ZSWIM6: variants seen among roughly 807,000 people sequenced by gnomAD.
ZSWIM6 encodes zinc finger SWIM domain-containing protein 6.
Under a neutral mutation model 113.2 loss-of-function variants are expected in ZSWIM6, and 9 were observed. The observed-to-expected ratio is 0.08, with a 90% CI of 0.05 to 0.14. The LOEUF (loss-of-function observed/expected upper bound fraction) is 0.14, where lower values mean the gene tolerates loss of function less well. ZSWIM6 is among the 10% of genes least tolerant of loss of function. ZSWIM6 has a pLI of 1.00. For missense variants in ZSWIM6, 1,162 were observed against 1,552.2 expected (o/e 0.75, Z 4.22); for synonymous variants, 611 against 606.5 (o/e 1.01, Z -0.11).
At position 61,448,340 on chromosome 5, in the gene ZSWIM6, A is replaced by G. The variant is rs74455207; in HGVS notation, c.677-24341A>G. On this transcript the variant is annotated intron_variant, in intron 1 of 13. Coordinates refer to ENST00000252744, the MANE Select transcript of ZSWIM6 (RefSeq NM_020928.2). ...CATGACTCTTGTCACTTTCTTCTTT[A>G]TATATTTGGATTTGTGGGTCAAGTG... Among the ~76,000 whole-genome samples, 1,013 of 152,258 alleles carry G rather than the reference A, an allele frequency of 6.7e-3. 4 individuals are homozygous for G. Among genetic ancestry groups the G allele is most frequent in the South Asian group, 0.021 (100 of 4,828 alleles).
intron 1 of ZSWIM6, among the ~76,000 whole-genome samples, chr5:61,438,256 A>G (rs1746752162): frequency 6.6e-6 from 1 of 152,234 alleles, no homozygotes; most frequent in African/African-American, 2.4e-5. Flanking sequence ...CATTTAACAT[A>G]AGTGTACAGA....
At chr5:61,431,723 C>CAG (rs1746586408) in intron 1 of ZSWIM6, among the ~76,000 whole-genome samples, 4 of 151,918 alleles carry the variant, frequency 2.6e-5, no homozygotes, top group Admixed American at 2.6e-4. Flanking sequence ...CCAGCCTGGG[C>CAG]GACAGAGTGA....
intron 7 of ZSWIM6, among the ~76,000 whole-genome samples, chr5:61,526,792 C>G (rs1019847821): frequency 3.6e-4 from 55 of 152,118 alleles, no homozygotes; most frequent in African/African-American, 1.3e-3. Flanking sequence ...CAAATGGGTG[C>G]CTTAGGCAAT....
rs201912422 is a variant in ZSWIM6, at chr5:61,521,401, A to G, written c.1472A>G (p.Asn491Ser). 6.7e-4 allele frequency: 1,025 copies of G among 1,527,426 alleles called. No homozygotes were observed. Among genetic ancestry groups the G allele is most frequent in the Non-Finnish European group, 8.2e-4 (932 of 1,135,670 alleles). The allele number at this position is 1,527,426 out of a possible 1,614,324, so 94.6% of individuals were successfully genotyped here. A position where few individuals can be genotyped will look rare whatever the true frequency, so the allele number is the denominator to read the frequency against. Residue 491 changes from asparagine to serine, a missense_variant, in exon 5 of 14, where the codon AAC (asparagine) becomes AGC (serine). Physicochemically the swap from Asn to Ser is conservative, Grantham distance 46. This residue lies in a region of ZSWIM6 where 620 missense variants were observed against 804.6 expected (regional missense o/e 0.77). Transcript: ENST00000252744. ...EDGNHGSELP[N>S]LTNALPQGAN... Reference sequence around the variant, plus strand: ...GGAAATCATGGCAGTGAATTACCCAACTTAACCAATGCTCTGCCTCAGGGT... The same window carrying G: ...GGAAATCATGGCAGTGAATTACCCAGCTTAACCAATGCTCTGCCTCAGGGT...
At chr5:61,379,892 A>G (rs1461079598) in intron 1 of ZSWIM6, among the ~76,000 whole-genome samples, 3 of 152,156 alleles carry the variant, frequency 2.0e-5, no homozygotes, top group Admixed American at 6.5e-5. Context: ...AGGAACTGAA[A>G]GTGTGAGCAC....
intron 1 of ZSWIM6, among the ~76,000 whole-genome samples, chr5:61,446,486 A>G (rs554535719): frequency 9.2e-5 from 14 of 152,306 alleles, no homozygotes; most frequent in African/African-American, 3.1e-4. Flanking sequence ...TAAACCAACA[A>G]CATTAAATTA....
chr5:61,513,581 C>CT (rs759849857), intron 4 of ZSWIM6, among the ~76,000 whole-genome samples: 28 of 152,034 alleles, frequency 1.8e-4, no homozygotes, highest in South Asian at 4.1e-4. Context: ...TTCTCCTAAA[C>CT]TTTTTTCTAG....
chr5:61,366,091 C>T (rs924475942), intron 1 of ZSWIM6, among the ~76,000 whole-genome samples: 3 of 152,116 alleles, frequency 2.0e-5, no homozygotes, highest in Non-Finnish European at 1.5e-5. Context: ...GAGTGGGTTT[C>T]ACCATGTTGC....
intron 1 of ZSWIM6, chr5:61,390,908 A>T (rs1745693846): frequency 1.1e-6 from 1 of 870,334 alleles, no homozygotes; most frequent in Non-Finnish European, 1.9e-6. Flanking sequence ...TGGTCACTTC[A>T]CCATAGTGGA....
chr5:61,478,987 A>G (rs137855433), intron 2 of ZSWIM6, among the ~76,000 whole-genome samples: 3 of 152,232 alleles, frequency 2.0e-5, no homozygotes, highest in African/African-American at 7.2e-5. Context: ...CCTGGCCAAC[A>G]TGGTGAAACC....
intron 1 of ZSWIM6, among the ~76,000 whole-genome samples, chr5:61,333,702 C>A (rs542409874): frequency 6.6e-6 from 1 of 152,110 alleles, no homozygotes; most frequent in Non-Finnish European, 1.5e-5. Flanking sequence ...CCGTAGGACG[C>A]TTACTAATTA....
intron 9 of ZSWIM6, among the ~76,000 whole-genome samples, chr5:61,534,619 C>G (rs1359045749): frequency 6.6e-6 from 1 of 152,040 alleles, no homozygotes; most frequent in African/African-American, 2.4e-5. Flanking sequence ...GTAACTAAAC[C>G]TCAGAGTACC....
rs114508629 is a variant in ZSWIM6, at chr5:61,466,064, A to G, written c.677-6617A>G. The stretch of plus-strand genomic sequence containing the variant: ...AATATGATATTTCATACAAGTTTCC[A>G]TCTTGGGCCCTTATGTTGTTTGTTC... On this transcript the variant is annotated intron_variant, in intron 1 of 13. Coordinates refer to ENST00000252744, the MANE Select transcript of ZSWIM6 (RefSeq NM_020928.2). Among the ~76,000 whole-genome samples the G allele has an allele frequency of 6.7e-3, 1,017 of 152,296 alleles. 4 individuals carry two copies. The highest frequency in any genetic ancestry group is 0.021 in the South Asian group (101 of 4,822).
chr5:61,398,912 G>GTTTTTTT (rs57439648), intron 1 of ZSWIM6, among the ~76,000 whole-genome samples: 1 of 61,784 alleles, frequency 1.6e-5, no homozygotes, highest in African/African-American at 5.6e-5. Flanking sequence ...GTGTATAGTT[G>GTTTTTTT]TTTTTTTTTT....
intron 7 of ZSWIM6, among the ~76,000 whole-genome samples, chr5:61,528,217 T>C (rs968006454): frequency 6.6e-6 from 1 of 152,164 alleles, no homozygotes; most frequent in South Asian, 2.1e-4. Flanking sequence ...GAATATCTTA[T>C]ACATTTTCAA....
At chr5:61,357,121 G>T (rs576127907) in intron 1 of ZSWIM6, among the ~76,000 whole-genome samples, 3 of 151,944 alleles carry the variant, frequency 2.0e-5, no homozygotes, top group Non-Finnish European at 2.9e-5. Flanking sequence ...CTAGCATCTG[G>T]GTTTTAATAA....
At chr5:61,433,882 TCAAA>T (rs961863198) in intron 1 of ZSWIM6, among the ~76,000 whole-genome samples, 13 of 151,036 alleles carry the variant, frequency 8.6e-5, no homozygotes, top group Non-Finnish European at 1.6e-4. Context: ...GATACAAATA[TCAAA>T]CAAAAAATAT....
chr5:61,470,814 C>G (rs78345573), intron 1 of ZSWIM6, among the ~76,000 whole-genome samples: 1,704 of 152,276 alleles, frequency 0.011, 35 homozygotes, highest in African/African-American at 0.039. Context: ...AAGATTATTG[C>G]AGCACCTTTC....
At position 61,362,527 on chromosome 5, in the gene ZSWIM6, C is replaced by T. The variant is rs1210322172; in HGVS notation, c.676+29579C>T. On this transcript the variant is annotated intron_variant, in intron 1 of 13. Coordinates refer to ENST00000252744, the MANE Select transcript of ZSWIM6 (RefSeq NM_020928.2). ...CTTTTAGTTTTACAGGTTTTCCCTG[C>T]AGTAGAAGAAGCTTGCACAGGGAGC... Among the ~76,000 whole-genome samples, 4 of 152,258 alleles carry T rather than the reference C, an allele frequency of 2.6e-5. 1 individual carries two copies. Among genetic ancestry groups the T allele is most frequent in the Admixed American group, 2.0e-4 (3 of 15,292 alleles).
Sources: gnomAD v4.1 joint callset for allele counts (sites outside exome capture counted in the v4.1 genomes callset) on GRCh38, gnomAD v4.1.1 for gene constraint, gnomAD v4.1.1 regional missense constraint, MANE v1.5 for transcripts, NCBI Gene and HGNC (gene_info 2026-07-23, HGNC 2026-07-21) for gene names.